DAPK3: variants seen among roughly 807,000 people sequenced by gnomAD.
DAPK3 encodes death associated protein kinase 3, also known as death-associated protein kinase 3.
In DAPK3, 24 loss-of-function variants were observed where a neutral mutation model predicts 30.6. That is an observed-to-expected ratio of 0.78 (90% confidence interval 0.57 to 1.10). The LOEUF is 1.10. DAPK3 is among the 50% of genes least tolerant of loss of function. DAPK3 has a pLI of 0.00. For missense variants in DAPK3, 629 were observed against 657.3 expected, an observed-to-expected ratio of 0.96 and a Z score of 0.47; for synonymous variants, 341 against 284.0, an observed-to-expected ratio of 1.20 and a Z score of -2.02.
At chr19:3,966,762 A>T (rs1359776153) in intron 2 of DAPK3, among the ~76,000 whole-genome samples, 1 of 152,120 alleles carries the variant, frequency 6.6e-6, no homozygotes, top group African/African-American at 2.4e-5. Context: ...CTGTTTTGCT[A>T]TTGCCAACCA....
At position 3,964,920 on chromosome 19, in the gene DAPK3, T is replaced by C; in HGVS notation, c.134A>G (p.Lys45Arg). 6.2e-7 allele frequency: 1 copy of C among 1,612,396 alleles called. No individual in the cohort carries two copies. Among genetic ancestry groups the C allele is most frequent in the Non-Finnish European group, 8.5e-7 (1 of 1,178,710 alleles). The part of the protein sequence containing the change: ...TGKEYAAKFI[K>R]KRRLSSSRRG... ...CCGGCTGGATGACAGGCGGCGCTTC[T>C]TGATGAACTTGGCTGCGTACTCCTT... is the stretch of plus-strand genomic sequence containing the variant. Residue 45 changes from lysine (K) to arginine (R), a missense_variant, in exon 3 of 9, where the codon AAG (lysine) becomes AGG (arginine). Transcript: ENST00000545797.
At chr19:3,969,588 A>T in intron 2 of DAPK3, 86 bp downstream of exon 2, 1 of 878,188 alleles carries the variant, frequency 1.1e-6, no homozygotes, top group South Asian at 1.3e-5. Context: ...CAGGATAAAG[A>T]ACAGGAAAGG....
chr19:3,961,288 C>T (rs965624305), intron 6 of DAPK3, 127 bp from the exon 7 acceptor site: 3 of 775,758 alleles, frequency 3.9e-6, no homozygotes, highest in Non-Finnish European at 6.8e-6. Context: ...GCCACTCACA[C>T]TCCTGAGCCC....
intron 6 of DAPK3, among the ~76,000 whole-genome samples, chr19:3,961,999 C>T (rs2039521950): frequency 6.6e-6 from 1 of 152,208 alleles, no homozygotes; most frequent in Admixed American, 6.5e-5. Context: ...GCTGGGACTA[C>T]AGGCACCCGC....
rs753339617 is a variant in DAPK3, at chr19:3,959,473, C to T, written c.993G>A (p.Glu331=). ...GCAGGCCCTCCTCGGCGGCCGCCGC[C>T]TCCTCCAGCACCTTGGAGAAGCGCT... ...DFERFSKVLE[E]AAAAEEGLRE... Residue 331 remains glutamate, a synonymous_variant, in exon 9 of 9, where the codon GAG becomes GAA. Transcript: ENST00000545797. 1.2e-5 allele frequency: 18 copies of T among 1,549,050 alleles called. No individual in the cohort carries two copies. Among genetic ancestry groups the T allele is most frequent in the Admixed American group, 3.8e-5 (2 of 52,256 alleles).
At chr19:3,966,405 G>A (rs1405456575) in intron 2 of DAPK3, among the ~76,000 whole-genome samples, 2 of 152,308 alleles carry the variant, frequency 1.3e-5, no homozygotes, top group East Asian at 1.9e-4. Context: ...AGAAAACCAC[G>A]CCTTCCAGCC....
rs2039505803 is a variant in DAPK3 at position 3,961,073 on chromosome 19, ACTC to A, written c.715_717del (p.Glu239del). ...GCCAGCTCGCTGGTGTTGCTGAAGT[ACTC>A]CTCGTCGAAGTCGTAGTTCACGGCT... On this transcript the variant is annotated inframe_deletion, in exon 7 of 9. Coordinates refer to ENST00000545797, the MANE Select transcript of DAPK3 (RefSeq NM_001348.3). 6.2e-7 allele frequency: 1 copy of A among 1,613,226 alleles called. No individual in the cohort carries two copies. The highest frequency in any genetic ancestry group is 8.5e-7 in the Non-Finnish European group (1 of 1,179,872).
intron 8 of DAPK3, chr19:3,959,852 C>T: frequency 1.5e-6 from 1 of 650,028 alleles, no homozygotes; most frequent in Non-Finnish European, 2.6e-6. Flanking sequence ...GGACACACAC[C>T]AGCCAAGGAT....
Position 3,959,179 on chromosome 19 carries a change from G to T in DAPK3, c.1287C>A (p.Ser429=). ...RYEALAKQVA[S]EMRFVQDLVR... is the part of the protein sequence containing the mutation. ...CGAGGTCCTGCACGAAGCGCATCTCGGAGGCTACTTGCTTGGCCAGCGCCT... is the reference window on the plus strand; with the variant it reads ...CGAGGTCCTGCACGAAGCGCATCTCTGAGGCTACTTGCTTGGCCAGCGCCT... The change falls in exon 9 of 9, where the codon TCC becomes TCA. Residue 429 remains serine (S), a synonymous_variant. Transcript: ENST00000545797. 1 of 1,597,464 alleles carries T rather than the reference G, an allele frequency of 6.3e-7. No individual in the cohort carries two copies. Among genetic ancestry groups the T allele is most frequent in the East Asian group, 2.2e-5 (1 of 44,574 alleles).
rs2145335225 is a variant in DAPK3, at chr19:3,963,994, G to A, written c.554-75C>T. 6 of 1,022,946 alleles carry A rather than the reference G, an allele frequency of 5.9e-6. No homozygotes were observed. The East Asian group carries it at 1.3e-4, about 22-fold the overall frequency. 63.4% of individuals were successfully genotyped at this position (1,022,946 alleles called of 1,614,324 possible). On this transcript the variant is annotated intron_variant, in intron 4 of 8. Transcript: ENST00000545797. ...GAAGAGGCTCAAGACACAGGCATGGGGTCAAGGTTCTCACATGTCGCAGCC... is the reference window on the plus strand; with the variant it reads ...GAAGAGGCTCAAGACACAGGCATGGAGTCAAGGTTCTCACATGTCGCAGCC...
In DAPK3 at chr19:3,959,308, G is replaced by C. The variant is rs1270923153; in HGVS notation, c.1158C>G (p.Leu386=). The change falls in exon 9 of 9, where the codon CTC becomes CTG. Residue 386 remains leucine, a synonymous_variant. Transcript: ENST00000545797. ...CCTGCCGCTTGAGCGCCTCGGTCTTGAGCAGCTCCTGCCGTAGCCTCCGCA... is the reference window on the plus strand; with the variant it reads ...CCTGCCGCTTGAGCGCCTCGGTCTTCAGCAGCTCCTGCCGTAGCCTCCGCA... The part of the protein sequence containing the change: ...QDLRRLRQEL[L]KTEALKRQAQ... 2 of 1,595,252 alleles carry C rather than the reference G, an allele frequency of 1.3e-6. No homozygotes were observed. Among genetic ancestry groups the C allele is most frequent in the African/African-American group, 1.3e-5 (1 of 74,852 alleles).
chr19:3,967,615 C>T (rs1401813159), intron 2 of DAPK3, among the ~76,000 whole-genome samples: 1 of 152,088 alleles, frequency 6.6e-6, no homozygotes, highest in Non-Finnish European at 1.5e-5. Flanking sequence ...ATTAGCTGAG[C>T]ACGTTGGTGG....
intron 2 of DAPK3, among the ~76,000 whole-genome samples, chr19:3,965,363 TC>T (rs2039566521): frequency 6.6e-6 from 1 of 152,196 alleles, no homozygotes; most frequent in African/African-American, 2.4e-5. Flanking sequence ...ACGCCTGTAA[TC>T]CCAGCACTTT....
chr19:3,959,799 C>A, intron 8 of DAPK3, 162 bp from the exon 9 acceptor site: 1 of 842,594 alleles, frequency 1.2e-6, no homozygotes, highest in Non-Finnish European at 1.8e-6. Flanking sequence ...AGTGCTCTCT[C>A]GAGAAAAACG....
chr19:3,959,116 C>G lies in DAPK3; in HGVS notation c.1350G>C (p.Glu450Asp). 6.4e-7 allele frequency: 1 copy of G among 1,560,814 alleles called. No homozygotes were observed. The highest frequency in any genetic ancestry group is 8.6e-7 in the Non-Finnish European group (1 of 1,157,198). The change falls in exon 9 of 9, where the codon GAG becomes GAC. Residue 450 changes from glutamate (E) to aspartate (D), a missense_variant. By Grantham distance (45) the Glu-to-Asp change is conservative. This residue lies in a region of DAPK3 where 323 missense variants were observed against 278.8 expected (regional missense o/e 1.16). Transcript: ENST00000545797. ...CCCACTGCGCCTAGCGCAGCCCGCA[C>G]TCCACGCCCTGCAGCTTCTCCTGCT... ...ALEQEKLQGV[E>D]CGLR
At position 3,964,977 on chromosome 19, in the gene DAPK3, A is replaced by ATC; in HGVS notation, c.75_76dup (p.Ile26ArgfsTer32). 1.9e-6 allele frequency: 3 copies of ATC among 1,602,042 alleles called. No homozygotes were observed. The highest frequency in any genetic ancestry group is 1.7e-6 in the Non-Finnish European group (2 of 1,171,930). On this transcript the variant is annotated frameshift_variant, in exon 3 of 9. Coordinates refer to ENST00000545797, the MANE Select transcript of DAPK3 (RefSeq NM_001348.3). LOFTEE classifies it high-confidence loss of function. ...GCCCTTCTGCCGGCACTTCCGCACGATCGCAAACTGGCCGCTGGAGGAGGG... is the reference window on the plus strand; with the variant it reads ...GCCCTTCTGCCGGCACTTCCGCACGATCTCGCAAACTGGCCGCTGGAGGAGGG...
Position 3,964,325 on chromosome 19 carries a change from T to G in DAPK3, c.472A>C (p.Lys158Gln). Residue 158 changes from lysine to glutamine, a missense_variant, in exon 4 of 9, where the codon AAG (lysine) becomes CAG (glutamine). Lys to Gln is a moderately conservative substitution (Grantham distance 53). Coordinates refer to ENST00000545797, the MANE Select transcript of DAPK3 (RefSeq NM_001348.3). ...TGCGCGATGCCGAAGTCGATGAGCTTGATTCGTGGGTTGGGCACGTTCTTG... is the reference window on the plus strand; with the variant it reads ...TGCGCGATGCCGAAGTCGATGAGCTGGATTCGTGGGTTGGGCACGTTCTTG... ...LDKNVPNPRI[K>Q]LIDFGIAHKI... 1 of 1,613,332 alleles carries G rather than the reference T, an allele frequency of 6.2e-7. No homozygotes were observed. The highest frequency in any genetic ancestry group is 8.5e-7 in the Non-Finnish European group (1 of 1,179,292).
At chr19:3,968,778 A>G (rs970833140) in intron 2 of DAPK3, among the ~76,000 whole-genome samples, 13 of 152,294 alleles carry the variant, frequency 8.5e-5, no homozygotes, top group Admixed American at 3.9e-4. Flanking sequence ...AGCCTGACAC[A>G]GAGCTCACTT....
At chr19:3,965,249 A>G (rs2145337967) in intron 2 of DAPK3, among the ~76,000 whole-genome samples, 1 of 152,346 alleles carries the variant, frequency 6.6e-6, no homozygotes, top group African/African-American at 2.4e-5. Context: ...GGGAGTGCAG[A>G]GCCACACGTT....
Sources: allele counts gnomAD v4.1 joint callset (sites outside exome capture counted in the v4.1 genomes callset), GRCh38; gene constraint gnomAD v4.1.1; regional missense constraint gnomAD v4.1.1; transcripts MANE v1.5; gene names NCBI Gene and HGNC (gene_info 2026-07-23, HGNC 2026-07-21).